Variants in PCSK6 observed in about 807,000 individuals in gnomAD.
PCSK6 encodes paired basic amino acid cleaving enzyme 4.
In PCSK6, 85 loss-of-function variants were observed where a neutral mutation model predicts 123.3. The ratio of observed to expected loss-of-function variants is 0.69; its 90% CI spans 0.58 to 0.83. The LOEUF (loss-of-function observed/expected upper bound fraction) is 0.83. Among genes scored for constraint, PCSK6 ranks in the 40% least tolerant of loss-of-function variants. The probability of loss-of-function intolerance (pLI) is 0.00; values close to 1 mark genes in which losing one functional copy is unlikely to be tolerated. For missense variants in PCSK6, 1,191 were observed against 1,282.3 expected (o/e 0.93, Z 1.09); for synonymous variants, 508 against 516.0 (o/e 0.98, Z 0.21).
intron 11 of PCSK6, among the ~76,000 whole-genome samples, chr15:101,381,809 C>T (rs1363046722): frequency 6.6e-6 from 1 of 152,188 alleles, no homozygotes; most frequent in Non-Finnish European, 1.5e-5. Context: ...TAAGAATTTC[C>T]AATACTAGGC....
At chr15:101,340,130 G>T (rs1386430134) in intron 13 of PCSK6, among the ~76,000 whole-genome samples, 1 of 152,092 alleles carries the variant, frequency 6.6e-6, no homozygotes, top group African/African-American at 2.4e-5. Flanking sequence ...GTACATATAT[G>T]TGTGCTCCCC....
At chr15:101,425,127 G>T (rs151234672) in intron 6 of PCSK6, among the ~76,000 whole-genome samples, 1 of 152,186 alleles carries the variant, frequency 6.6e-6, no homozygotes, top group Admixed American at 6.5e-5. Context: ...TTGACTACCC[G>T]TGAGAGTGCT....
intron 6 of PCSK6, among the ~76,000 whole-genome samples, chr15:101,401,442 A>C (rs1292468871): frequency 1.3e-5 from 2 of 152,200 alleles, no homozygotes; most frequent in African/African-American, 4.8e-5. Flanking sequence ...GTGTCCAGGC[A>C]CTGAGATGGC....
chr15:101,428,272 G>A (rs1013189264), intron 5 of PCSK6, among the ~76,000 whole-genome samples: 8 of 152,190 alleles, frequency 5.3e-5, no homozygotes, highest in Admixed American at 5.2e-4. Context: ...CTGCCCCAGT[G>A]CCCGTGGTCC....
At chr15:101,384,209 C>T in intron 10 of PCSK6, 113 bp downstream of exon 10, 1 of 1,504,638 alleles carries the variant, frequency 6.6e-7, no homozygotes, top group East Asian at 2.3e-5. Flanking sequence ...TTGTGACACA[C>T]AATTAATAAT....
At chr15:101,366,430 C>T in intron 12 of PCSK6, 98 bp from the exon 13 acceptor site, 1 of 1,285,928 alleles carries the variant, frequency 7.8e-7, no homozygotes, top group Non-Finnish European at 1.1e-6. Context: ...ACTGTATGAC[C>T]TGGCTGGACC....
Position 101,460,133 on chromosome 15 carries a change from A to C in PCSK6, c.298-16473T>G, listed in dbSNP as rs150423428. On this transcript the variant is annotated intron_variant, in intron 1 of 21. Coordinates refer to ENST00000611716, the MANE Select transcript of PCSK6 (RefSeq NM_002570.5). Reference sequence around the variant, plus strand: ...CGTCACACAGGTCCCTCTCCTGCCCAGGAAGACCCCCCACGATGGCCTGGG... The same window carrying C: ...CGTCACACAGGTCCCTCTCCTGCCCCGGAAGACCCCCCACGATGGCCTGGG... Among the ~76,000 whole-genome samples, 128 of 152,002 alleles carry C rather than the reference A, an allele frequency of 8.4e-4. 4 individuals are homozygous for C. The East Asian group carries it at 0.021, about 25-fold the overall frequency.
intron 2 of PCSK6, among the ~76,000 whole-genome samples, chr15:101,435,840 G>T (rs2056583735): frequency 6.6e-6 from 1 of 152,194 alleles, no homozygotes; most frequent in Non-Finnish European, 1.5e-5. Context: ...CCAGGAGGGG[G>T]CCCTGCCCGC....
intron 2 of PCSK6, among the ~76,000 whole-genome samples, chr15:101,436,868 A>G (rs1032940077): frequency 6.6e-5 from 10 of 152,192 alleles, no homozygotes; most frequent in Non-Finnish European, 1.5e-4. Context: ...TTAAAGAAAG[A>G]AAAATCCCAC....
intron 7 of PCSK6, among the ~76,000 whole-genome samples, chr15:101,394,945 C>T (rs770480795): frequency 1.3e-5 from 2 of 152,202 alleles, no homozygotes; most frequent in Non-Finnish European, 2.9e-5. Context: ...AGGTCCCTCC[C>T]AGAAAAGCTA....
intron 13 of PCSK6, among the ~76,000 whole-genome samples, chr15:101,350,657 G>A (rs1218740255): frequency 1.3e-5 from 2 of 152,234 alleles, no homozygotes; most frequent in African/African-American, 4.8e-5. Flanking sequence ...AAAAAAGAAT[G>A]CCTGGTTGCG....
intron 1 of PCSK6, among the ~76,000 whole-genome samples, chr15:101,489,129 A>C (rs1596194487): frequency 1.4e-5 from 2 of 139,542 alleles, no homozygotes; most frequent in South Asian, 2.3e-4. Flanking sequence ...GGCGCGCCGG[A>C]CCTGCGTGGG....
intron 1 of PCSK6, among the ~76,000 whole-genome samples, chr15:101,476,566 A>G (rs1226877703): frequency 6.6e-6 from 1 of 151,878 alleles, no homozygotes; most frequent in Non-Finnish European, 1.5e-5. Context: ...TTATATTAAA[A>G]AAAAAAAAAA....
intron 13 of PCSK6, among the ~76,000 whole-genome samples, chr15:101,350,851 G>A (rs187304072): frequency 6.6e-5 from 10 of 152,322 alleles, no homozygotes; most frequent in Admixed American, 4.6e-4. Flanking sequence ...GCAGTGGTGC[G>A]CTGCAGCCGA....
At chr15:101,328,596 T>C (rs919347064) in intron 15 of PCSK6, among the ~76,000 whole-genome samples, 2 of 151,934 alleles carry the variant, frequency 1.3e-5, no homozygotes, top group African/African-American at 4.8e-5. Context: ...CTGGTCCGGG[T>C]GTATGGACTT....
At chr15:101,312,747 G>T (rs964830412) in intron 20 of PCSK6, among the ~76,000 whole-genome samples, 1 of 152,168 alleles carries the variant, frequency 6.6e-6, no homozygotes, top group East Asian at 1.9e-4. Flanking sequence ...CAGGAGAATG[G>T]TGTGAATCTG....
Position 101,489,438 on chromosome 15 carries a change from A to C in PCSK6, c.233T>G (p.Val78Gly). 1.6e-6 allele frequency: 2 copies of C among 1,254,098 alleles called. No homozygotes were observed. The highest frequency in any genetic ancestry group is 2.0e-6 in the Non-Finnish European group (2 of 987,394). 77.7% of individuals were successfully genotyped at this position (1,254,098 alleles called of 1,614,324 possible). A position where few individuals can be genotyped will look rare whatever the true frequency, so the allele number is the denominator to read the frequency against. Residue 78 changes from valine (V) to glycine (G), a missense_variant, in exon 1 of 22, where the codon GTG becomes GGG. Around this residue, in one of 3 missense-constraint regions of PCSK6, gnomAD observed 204 missense variants for 166.4 expected, o/e 1.23. Transcript: ENST00000611716. ...GTCCGCCTCGGCCGGGCCGCCCAGC[A>C]CTTGCACCGCCCAGTGGTTGGTGTA... ...PVYTNHWAVQ[V>G]LGGPAEADRV... is the part of the protein sequence containing the mutation.
intron 14 of PCSK6, 21 bp downstream of exon 14, chr15:101,331,831 C>G (rs755357096): frequency 1.2e-6 from 2 of 1,611,370 alleles, no homozygotes; most frequent in South Asian, 2.2e-5. Flanking sequence ...TGGCCGTCTC[C>G]TCTTACTTCA....
chr15:101,403,478 GGTTT>G (rs1243299589), intron 6 of PCSK6, among the ~76,000 whole-genome samples: 6 of 151,592 alleles, frequency 4.0e-5, no homozygotes, highest in African/African-American at 7.3e-5. Flanking sequence ...ATAACTGATT[GGTTT>G]TTCTTTTTGT....
Sources: allele counts gnomAD v4.1 joint callset (sites outside exome capture counted in the v4.1 genomes callset), GRCh38; gene constraint gnomAD v4.1.1; regional missense constraint gnomAD v4.1.1; transcripts MANE v1.5; gene names NCBI Gene and HGNC (gene_info 2026-07-23, HGNC 2026-07-21).